CEP295: variants seen among roughly 807,000 people sequenced by gnomAD.
The protein encoded by CEP295 is centrosomal protein 295, also known as centrosomal protein of 295 kDa.
A neutral mutation model predicts 291.6 loss-of-function variants in CEP295; 190 were observed. The ratio of observed to expected loss-of-function variants is 0.65; its 90% CI spans 0.58 to 0.73. CEP295 has a LOEUF of 0.73. Ranked by LOEUF, CEP295 falls within the 30% of genes least tolerant of loss-of-function variation. The probability of loss-of-function intolerance (pLI) is 0.00; values close to 1 mark genes in which losing one functional copy is unlikely to be tolerated. For synonymous variants in CEP295, 993 were observed against 1,038.8 expected, an observed-to-expected ratio of 0.96 and a Z score of 0.85; for missense variants, 2,863 against 2,949.4, an observed-to-expected ratio of 0.97 and a Z score of 0.68.
chr11:93,725,605 T>G, intron 22 of CEP295, 46 bp from the exon 23 acceptor site: 1 of 1,404,900 alleles, frequency 7.1e-7, no homozygotes, highest in African/African-American at 1.5e-5. Flanking sequence ...TTTCAATTGT[T>G]AATACCTAAT....
At chr11:93,719,323 A>C (rs1010128164) in intron 18 of CEP295, among the ~76,000 whole-genome samples, 3 of 147,474 alleles carry the variant, frequency 2.0e-5, no homozygotes, top group African/African-American at 7.6e-5. Flanking sequence ...GCTAGAGTGC[A>C]GTGGTGCCAT....
intron 1 of CEP295, among the ~76,000 whole-genome samples, chr11:93,663,314 C>T (rs986011944): frequency 6.6e-6 from 1 of 152,186 alleles, no homozygotes; most frequent in African/African-American, 2.4e-5. Context: ...CAGTGTTAGA[C>T]TTACACTGAA....
rs61740994 is a variant in CEP295 at position 93,727,098 on chromosome 11, C to G, written c.6622C>G (p.Gln2208Glu). 1,518 of 1,551,542 alleles carry G rather than the reference C, an allele frequency of 9.8e-4. 19 individuals are homozygous for G. In the African/African-American group the frequency reaches 0.018, roughly 19 times the overall value. ...ARDSSQGMKNQNYPSEEHTEI... is the reference protein window; with the variant it reads ...ARDSSQGMKNENYPSEEHTEI... The stretch of plus-strand genomic sequence containing the variant: ...AGATTCTTCCCAAGGCATGAAAAAT[C>G]AGAACTATCCCTCTGAAGAACATAC... The change falls in exon 24 of 30, where the codon CAG (glutamine) becomes GAG (glutamate). Residue 2208 changes from glutamine to glutamate, a missense_variant. By Grantham distance (29) the Gln-to-Glu change is conservative. Coordinates refer to ENST00000325212, the MANE Select transcript of CEP295 (RefSeq NM_033395.2).
At chr11:93,701,103 C>T (rs756104310) in intron 15 of CEP295, among the ~76,000 whole-genome samples, 2 of 152,076 alleles carry the variant, frequency 1.3e-5, no homozygotes, top group Non-Finnish European at 2.9e-5. Context: ...GTGACTCAGG[C>T]CTTATAATCC....
chr11:93,706,932 A>C, intron 18 of CEP295, 35 bp downstream of exon 18: 1 of 1,473,876 alleles, frequency 6.8e-7, no homozygotes, highest in Non-Finnish European at 9.1e-7. Context: ...TTGTATGCAC[A>C]AGGATATGTG....
intron 9 of CEP295, among the ~76,000 whole-genome samples, chr11:93,684,910 G>T (rs527265036): frequency 4.1e-4 from 63 of 152,056 alleles, no homozygotes; most frequent in Admixed American, 1.1e-3. Flanking sequence ...GTTATTTCTA[G>T]GTACTTCGTG....
intron 25 of CEP295, 120 bp from the exon 26 acceptor site, chr11:93,729,314 C>G: frequency 1.4e-6 from 1 of 702,978 alleles, no homozygotes; most frequent in Non-Finnish European, 2.5e-6. Context: ...CTCTGTAGAC[C>G]CAGCTAAGAT....
chr11:93,693,339 T>A (rs1951684604), intron 12 of CEP295, among the ~76,000 whole-genome samples: 1 of 152,214 alleles, frequency 6.6e-6, no homozygotes, highest in Admixed American at 6.5e-5. Context: ...AAAATATTTT[T>A]TTAACCCAAC....
chr11:93,671,312 T>C (rs1414823493), intron 5 of CEP295, among the ~76,000 whole-genome samples: 4 of 152,180 alleles, frequency 2.6e-5, no homozygotes, highest in East Asian at 1.9e-4. Context: ...CTTTTGTTAC[T>C]ATCACTGTTA....
intron 18 of CEP295, among the ~76,000 whole-genome samples, chr11:93,712,080 T>A (rs1435766406): frequency 1.3e-5 from 2 of 152,112 alleles, no homozygotes; most frequent in East Asian, 3.9e-4. Flanking sequence ...TTTACTGGGG[T>A]CTAGCTATCT....
At chr11:93,714,859 C>A (rs1048842617) in intron 18 of CEP295, among the ~76,000 whole-genome samples, 2 of 152,138 alleles carry the variant, frequency 1.3e-5, no homozygotes, top group East Asian at 1.9e-4. Flanking sequence ...CTCTCTCTCT[C>A]TCTGTGCTGA....
chr11:93,697,242 C>G lies in CEP295; in HGVS notation c.2330C>G (p.Ser777Cys). Residue 777 changes from serine (S) to cysteine (C), a missense_variant, in exon 15 of 30, where the codon TCT becomes TGT. By Grantham distance (112) the Ser-to-Cys change is moderately radical. Coordinates refer to ENST00000325212, the MANE Select transcript of CEP295 (RefSeq NM_033395.2). ...TTCTCAGAGAATAGTGAAAATATAT[C>G]TTACCATTTAACTGAACCTTCTTCA... ...QLFSENSENI[S>C]YHLTEPSSFV... The G allele has an allele frequency of 6.4e-7, 1 of 1,551,670 alleles. No homozygotes were observed. The highest frequency in any genetic ancestry group is 8.7e-7 in the Non-Finnish European group (1 of 1,146,942).
chr11:93,684,760 C>T (rs964452932), intron 9 of CEP295, among the ~76,000 whole-genome samples: 3 of 152,210 alleles, frequency 2.0e-5, no homozygotes, highest in African/African-American at 7.2e-5. Context: ...CTCAGTGAAA[C>T]CCCAAATCTC....
chr11:93,729,829 A>T, intron 27 of CEP295, 41 bp from the exon 28 acceptor site: 2 of 1,537,874 alleles, frequency 1.3e-6, no homozygotes, highest in Non-Finnish European at 1.8e-6. Context: ...AAATGTTTAA[A>T]GCCTTGTGTT....
At chr11:93,711,031 T>A (rs762062892) in intron 18 of CEP295, among the ~76,000 whole-genome samples, 50 of 152,148 alleles carry the variant, frequency 3.3e-4, no homozygotes, top group Non-Finnish European at 5.4e-4. Context: ...GTCAATTTTT[T>A]AAATATTTTC....
At chr11:93,677,837 A>G (rs1950770810) in intron 6 of CEP295, among the ~76,000 whole-genome samples, 1 of 152,194 alleles carries the variant, frequency 6.6e-6, no homozygotes, top group South Asian at 2.1e-4. Context: ...AATAGCATTT[A>G]TCATTCATAT....
intron 18 of CEP295, among the ~76,000 whole-genome samples, chr11:93,709,625 G>A (rs1343868555): frequency 2.0e-5 from 3 of 151,956 alleles, no homozygotes. Flanking sequence ...TGGCTATTCT[G>A]GGTCTTTTGT....
intron 17 of CEP295, among the ~76,000 whole-genome samples, chr11:93,703,723 T>G (rs1952327884): frequency 6.6e-6 from 1 of 151,562 alleles, no homozygotes; most frequent in Non-Finnish European, 1.5e-5. Context: ...ACTTTCTACA[T>G]CCAGGTGTCA....
At chr11:93,670,181 G>A (rs1950369115) in intron 5 of CEP295, among the ~76,000 whole-genome samples, 1 of 151,826 alleles carries the variant, frequency 6.6e-6, no homozygotes, top group Admixed American at 6.6e-5. Context: ...TAAACTATTC[G>A]TCCATTAGGC....
Sources: gnomAD v4.1 joint callset for allele counts (sites outside exome capture counted in the v4.1 genomes callset) on GRCh38, gnomAD v4.1.1 for gene constraint, MANE v1.5 for transcripts, NCBI Gene and HGNC (gene_info 2026-07-23, HGNC 2026-07-21) for gene names.